Variants in EPB41L4A observed in about 807,000 individuals in gnomAD.
The protein encoded by EPB41L4A is erythrocyte membrane protein band 4.1 like 4A.
Under a neutral mutation model 108.6 loss-of-function variants are expected in EPB41L4A, and 100 were observed. The observed-to-expected ratio is 0.92, with a 90% CI of 0.78 to 1.09. The LOEUF (loss-of-function observed/expected upper bound fraction) is 1.09. Among genes scored for constraint, EPB41L4A ranks in the 50% least tolerant of loss-of-function variants. The probability of loss-of-function intolerance (pLI) is 0.00; values close to 1 mark genes in which losing one functional copy is unlikely to be tolerated. For missense variants in EPB41L4A, 1,030 were observed against 842.7 expected, an observed-to-expected ratio of 1.22 and a Z score of -2.75; for synonymous variants, 319 against 289.0, an observed-to-expected ratio of 1.10 and a Z score of -1.05.
chr5:112,283,832 T>C (rs940633340), intron 2 of EPB41L4A, among the ~76,000 whole-genome samples: 2 of 152,190 alleles, frequency 1.3e-5, no homozygotes, highest in South Asian at 4.1e-4. Flanking sequence ...TAATTACTTA[T>C]ATAAGATGAA....
chr5:112,332,850 T>G (rs1472122503), intron 1 of EPB41L4A, among the ~76,000 whole-genome samples: 1 of 152,214 alleles, frequency 6.6e-6, no homozygotes, highest in African/African-American at 2.4e-5. Flanking sequence ...TTGTGGCTAT[T>G]TATAAATAGT....
intron 1 of EPB41L4A, among the ~76,000 whole-genome samples, chr5:112,340,454 T>C (rs1457764792): frequency 2.0e-5 from 3 of 152,198 alleles, no homozygotes; most frequent in African/African-American, 7.2e-5. Context: ...CATTTAACCA[T>C]GACCCCTGCT....
At chr5:112,302,768 A>G (rs60045595) in intron 2 of EPB41L4A, among the ~76,000 whole-genome samples, 3,344 of 152,212 alleles carry the variant, frequency 0.022, 133 homozygotes, top group African/African-American at 0.075. Flanking sequence ...TCAGTCTTTC[A>G]ATATAATTTA....
intron 2 of EPB41L4A, 107 bp from the exon 3 acceptor site, chr5:112,280,430 C>A (rs2150506393): frequency 2.1e-6 from 2 of 965,734 alleles, no homozygotes; most frequent in Non-Finnish European, 1.7e-6. Flanking sequence ...AAAACTTGGT[C>A]AGTTAAACAC....
At chr5:112,233,941 G>A (rs1749141464) in intron 12 of EPB41L4A, among the ~76,000 whole-genome samples, 1 of 151,892 alleles carries the variant, frequency 6.6e-6, no homozygotes, top group Non-Finnish European at 1.5e-5. Context: ...CCATCCTCCT[G>A]CTTCAGCCTC....
chr5:112,410,476 G>A (rs530205560), intron 1 of EPB41L4A, among the ~76,000 whole-genome samples: 2 of 152,258 alleles, frequency 1.3e-5, no homozygotes, highest in Non-Finnish European at 2.9e-5. Context: ...CAGCAGCAAT[G>A]AAAACAGGGG....
At chr5:112,231,164 G>C (rs1165023516) in intron 12 of EPB41L4A, among the ~76,000 whole-genome samples, 1 of 152,118 alleles carries the variant, frequency 6.6e-6, no homozygotes, top group Non-Finnish European at 1.5e-5. Flanking sequence ...AAGAATTAAA[G>C]ATTGGTTGAA....
intron 1 of EPB41L4A, among the ~76,000 whole-genome samples, chr5:112,339,708 G>C (rs1357302404): frequency 6.6e-6 from 1 of 151,592 alleles, no homozygotes; most frequent in Admixed American, 6.6e-5. Flanking sequence ...TAATGTTTTT[G>C]TATTTTTAGT....
At chr5:112,353,705 GT>G (rs986632731) in intron 1 of EPB41L4A, among the ~76,000 whole-genome samples, 75 of 152,184 alleles carry the variant, frequency 4.9e-4, no homozygotes, top group African/African-American at 1.8e-3. Flanking sequence ...GGCCCTGATA[GT>G]TTGCATGGGT....
chr5:112,419,581 G>C (rs1355285820), upstream of EPB41L4A: 1 of 453,042 alleles, frequency 2.2e-6, no homozygotes, highest in African/African-American at 2.0e-5. Context: ...CGCAGCCCCG[G>C]GTCAGATCCG....
chr5:112,403,342 A>G (rs1761896423), intron 1 of EPB41L4A, among the ~76,000 whole-genome samples: 1 of 151,934 alleles, frequency 6.6e-6, no homozygotes, highest in Admixed American at 6.5e-5. Context: ...CTCAGCAAAA[A>G]AAAAAAAAAA....
At chr5:112,276,705 C>A (rs62364137) in intron 3 of EPB41L4A, among the ~76,000 whole-genome samples, 3,150 of 152,220 alleles carry the variant, frequency 0.021, 39 homozygotes, top group Non-Finnish European at 0.032. Context: ...AATTTAGAAA[C>A]TGGGGAAAAG....
chr5:112,374,470 T>C (rs1453968154), intron 1 of EPB41L4A, among the ~76,000 whole-genome samples: 1 of 152,222 alleles, frequency 6.6e-6, no homozygotes, highest in African/African-American at 2.4e-5. Flanking sequence ...TAAATAAAAA[T>C]GATTCGCACT....
chr5:112,312,400 A>G (rs1220597165), intron 1 of EPB41L4A, among the ~76,000 whole-genome samples: 2 of 152,138 alleles, frequency 1.3e-5, no homozygotes, highest in African/African-American at 4.8e-5. Context: ...CTCTACCGAG[A>G]GGACACAAGG....
At chr5:112,288,516 AATCGTC>A (rs1753429491) in intron 2 of EPB41L4A, among the ~76,000 whole-genome samples, 1 of 152,228 alleles carries the variant, frequency 6.6e-6, no homozygotes, top group South Asian at 2.1e-4. Context: ...AGACAGGGCC[AATCGTC>A]ATAGTGAACA....
At chr5:112,333,310 G>A (rs935782625) in intron 1 of EPB41L4A, among the ~76,000 whole-genome samples, 1 of 151,892 alleles carries the variant, frequency 6.6e-6, no homozygotes, top group Admixed American at 6.6e-5. Context: ...ATGTCAAAAA[G>A]GGGGGAAGGG....
intron 1 of EPB41L4A, among the ~76,000 whole-genome samples, chr5:112,385,047 C>T (rs1760420575): frequency 6.6e-6 from 1 of 152,146 alleles, no homozygotes; most frequent in African/African-American, 2.4e-5. Context: ...GATATGGTTT[C>T]AGCTTTATCT....
At chr5:112,234,032 T>A (rs1193047062) in intron 12 of EPB41L4A, among the ~76,000 whole-genome samples, 1 of 151,624 alleles carries the variant, frequency 6.6e-6, no homozygotes, top group African/African-American at 2.4e-5. Context: ...AAAAAGAACG[T>A]ATGGGGCCAG....
In EPB41L4A at chr5:112,371,006, T is replaced by C. The variant is rs556608799; in HGVS notation, c.99+47935A>G. The stretch of plus-strand genomic sequence containing the variant: ...GTTTAGAACATGGAAATAACCTCAC[T>C]CATTCGTGCAATACCTTCTATGCAC... On this transcript the variant is annotated intron_variant, in intron 1 of 22. Transcript: ENST00000261486. 8.5e-5 allele frequency among the ~76,000 whole-genome samples: 13 copies of C among 152,302 alleles called. 1 individual carries two copies. The South Asian group carries it at 1.7e-3, about 19-fold the overall frequency.
Sources: gnomAD v4.1 joint callset for allele counts (sites outside exome capture counted in the v4.1 genomes callset) on GRCh38, gnomAD v4.1.1 for gene constraint, MANE v1.5 for transcripts, NCBI Gene and HGNC (gene_info 2026-07-23, HGNC 2026-07-21) for gene names.